BTBD9: variants seen among roughly 807,000 people sequenced by gnomAD.
BTBD9 encodes the protein BTB domain containing 9.
A neutral mutation model predicts 64.3 loss-of-function variants in BTBD9; 49 were observed. The ratio of observed to expected loss-of-function variants is 0.76; its 90% CI spans 0.61 to 0.97. BTBD9 has a LOEUF of 0.97. Ranked by LOEUF, BTBD9 falls within the 50% of genes least tolerant of loss-of-function variation. The pLI is 0.00. For synonymous variants in BTBD9, 260 were observed against 274.7 expected, an observed-to-expected ratio of 0.95 and a Z score of 0.53; for missense variants, 598 against 762.1, an observed-to-expected ratio of 0.78 and a Z score of 2.53.
chr6:38,406,728 T>C (rs1767181397), intron 6 of BTBD9, among the ~76,000 whole-genome samples: 3 of 152,110 alleles, frequency 2.0e-5, no homozygotes, highest in African/African-American at 7.2e-5. Context: ...ACAAAGTACT[T>C]TCTTATTATG....
chr6:38,444,695 T>C (rs1235361596), intron 6 of BTBD9, among the ~76,000 whole-genome samples: 1 of 152,156 alleles, frequency 6.6e-6, no homozygotes, highest in Non-Finnish European at 1.5e-5. Flanking sequence ...AGGGCTGCTA[T>C]GAGGATTATA....
intron 7 of BTBD9, among the ~76,000 whole-genome samples, chr6:38,294,012 G>T (rs745446345): frequency 4.0e-5 from 6 of 151,824 alleles, no homozygotes; most frequent in Non-Finnish European, 8.8e-5. Context: ...GCATGCAAAG[G>T]ATATGAACAG....
intron 10 of BTBD9, among the ~76,000 whole-genome samples, chr6:38,183,497 C>T (rs1357716445): frequency 1.3e-5 from 2 of 152,138 alleles, no homozygotes; most frequent in African/African-American, 2.4e-5. Context: ...ACTCACTGCT[C>T]GCTCCCCTCA....
chr6:38,262,811 T>C (rs554616133), intron 8 of BTBD9, among the ~76,000 whole-genome samples: 2 of 152,380 alleles, frequency 1.3e-5, no homozygotes, highest in Non-Finnish European at 2.9e-5. Flanking sequence ...TTGTGCTGAA[T>C]GGCACTTTTT....
At chr6:38,501,191 G>A (rs776024612) in intron 6 of BTBD9, among the ~76,000 whole-genome samples, 1 of 152,062 alleles carries the variant, frequency 6.6e-6, no homozygotes, top group Non-Finnish European at 1.5e-5. Flanking sequence ...AACACCTGAC[G>A]CGAGTGTTAG....
intron 8 of BTBD9, among the ~76,000 whole-genome samples, chr6:38,272,203 C>CA (rs752574769): frequency 2.0e-5 from 3 of 151,728 alleles, no homozygotes; most frequent in African/African-American, 4.8e-5. Context: ...AACAATATGT[C>CA]AAAAAAATAA....
chr6:38,465,834 C>CTTTTT (rs368219474), intron 6 of BTBD9, among the ~76,000 whole-genome samples: 1 of 69,628 alleles, frequency 1.4e-5, no homozygotes, highest in African/African-American at 5.9e-5. Flanking sequence ...TTCTTTTTTC[C>CTTTTT]TTTTTTTTTT....
rs564344390 is a variant in BTBD9, at chr6:38,411,929, C to CTA, written c.1155-66838_1155-66837dup. Reference sequence around the variant, plus strand: ...CAACAGGGCAAGACTCTGCCTCTGCCTATATATATATATGTGTACACACAT... The same window carrying CTA: ...CAACAGGGCAAGACTCTGCCTCTGCCTATATATATATATATGTGTACACACAT... On this transcript the variant is annotated intron_variant, in intron 6 of 10. Transcript: ENST00000481247. 1.7e-3 allele frequency among the ~76,000 whole-genome samples: 253 copies of CTA among 150,842 alleles called. 1 individual carries two copies. Among genetic ancestry groups the CTA allele is most frequent in the East Asian group, 9.1e-3 (47 of 5,150 alleles).
At chr6:38,479,550 G>A (rs542992925) in intron 6 of BTBD9, among the ~76,000 whole-genome samples, 5 of 151,948 alleles carry the variant, frequency 3.3e-5, no homozygotes, top group Non-Finnish European at 7.4e-5. Flanking sequence ...CCAAGCCCAG[G>A]CTTGAATCAC....
intron 2 of BTBD9, chr6:38,595,860 T>A: frequency 1.0e-6 from 1 of 985,358 alleles, no homozygotes; most frequent in Non-Finnish European, 1.2e-6. Context: ...AATTACCAAA[T>A]TAAAGAACTT....
intron 6 of BTBD9, among the ~76,000 whole-genome samples, chr6:38,556,524 T>C (rs1412005901): frequency 8.8e-5 from 7 of 79,910 alleles, no homozygotes; most frequent in Admixed American, 2.3e-4. Flanking sequence ...TGTGTGTGTG[T>C]GTGTGTGTGT....
At chr6:38,396,897 C>CTTTTTTTT (rs146597621) in intron 6 of BTBD9, among the ~76,000 whole-genome samples, 15 of 107,374 alleles carry the variant, frequency 1.4e-4, no homozygotes, top group Non-Finnish European at 2.0e-4. Flanking sequence ...TTTTCTTTTT[C>CTTTTTTTT]TTTTTTTTTT....
chr6:38,397,026 C>T (rs1349057439), intron 6 of BTBD9, among the ~76,000 whole-genome samples: 1 of 151,240 alleles, frequency 6.6e-6, no homozygotes, highest in Non-Finnish European at 1.5e-5. Context: ...CTCAGCTTCC[C>T]AAGTAGCAGG....
At chr6:38,517,324 A>T (rs1239524802) in intron 6 of BTBD9, among the ~76,000 whole-genome samples, 2 of 152,264 alleles carry the variant, frequency 1.3e-5, no homozygotes, top group Non-Finnish European at 2.9e-5. Context: ...ATCAAATACC[A>T]AAGTAATGCT....
chr6:38,352,425 G>T (rs1291572994), intron 6 of BTBD9, among the ~76,000 whole-genome samples: 6 of 151,968 alleles, frequency 3.9e-5, no homozygotes, highest in Non-Finnish European at 1.5e-5. Context: ...GCCCCATGAG[G>T]AATCGGCCAG....
intron 9 of BTBD9, chr6:38,193,792 A>AAT: frequency 1.0e-6 from 1 of 984,862 alleles, no homozygotes; most frequent in Non-Finnish European, 1.2e-6. Flanking sequence ...TAGCAAAGAA[A>AAT]ATATATATGT....
At chr6:38,328,387 C>G (rs1417062002) in intron 7 of BTBD9, among the ~76,000 whole-genome samples, 2 of 152,054 alleles carry the variant, frequency 1.3e-5, no homozygotes, top group African/African-American at 4.8e-5. Flanking sequence ...GAGGAAGAAA[C>G]ACCACAGGCC....
intron 6 of BTBD9, among the ~76,000 whole-genome samples, chr6:38,442,284 G>C (rs921371766): frequency 5.9e-5 from 9 of 151,854 alleles, no homozygotes; most frequent in Non-Finnish European, 1.3e-4. Flanking sequence ...TCAGGAGTTC[G>C]ACACCAGCCT....
intron 2 of BTBD9, chr6:38,595,861 T>A (rs1777010758): frequency 3.0e-6 from 3 of 985,362 alleles, no homozygotes; most frequent in Non-Finnish European, 3.6e-6. Context: ...ATTACCAAAT[T>A]AAAGAACTTC....
Sources: allele counts gnomAD v4.1 joint callset (sites outside exome capture counted in the v4.1 genomes callset), GRCh38; gene constraint gnomAD v4.1.1; transcripts MANE v1.5; gene names NCBI Gene and HGNC (gene_info 2026-07-23, HGNC 2026-07-21).